CUL9: variants seen among roughly 807,000 people sequenced by gnomAD.
The protein encoded by CUL9 is cullin-9.
CUL9 carries 79 observed loss-of-function variants against 272.6 expected under a neutral mutation model. The ratio of observed to expected loss-of-function variants is 0.29; its 90% CI spans 0.24 to 0.35. The LOEUF (loss-of-function observed/expected upper bound fraction) is 0.35, where lower values mean the gene tolerates loss of function less well. Among genes scored for constraint, CUL9 ranks in the 10% least tolerant of loss-of-function variants. CUL9 has a pLI of 1.00. For synonymous variants in CUL9, 1,186 were observed against 1,286.5 expected (o/e 0.92, Z 1.67); for missense variants, 2,532 against 3,255.6 (o/e 0.78, Z 5.41).
Position 43,204,004 on chromosome 6 carries a change from C to G in CUL9, c.4159+17C>G, listed in dbSNP as rs370641790. On this transcript the variant is annotated intron_variant, in intron 20 of 40. Coordinates refer to ENST00000252050, the MANE Select transcript of CUL9 (RefSeq NM_015089.4). ...CCTCTCCCGGTAACCATGCTGACAC[C>G]TGGCCCCACTAACCAGTTCCTTGTC... The G allele has an allele frequency of 6.3e-7, 1 of 1,582,170 alleles. No homozygotes were observed. Among genetic ancestry groups the G allele is most frequent in the Middle Eastern group, 1.7e-4 (1 of 5,928 alleles).
At chr6:43,204,324 C>G in intron 20 of CUL9, 36 bp from the exon 21 acceptor site, 1 of 1,607,518 alleles carries the variant, frequency 6.2e-7, no homozygotes, top group Non-Finnish European at 8.5e-7. Context: ...TCTCCCATCT[C>G]CCATGGAGAC....
At chr6:43,198,521 G>A (rs879147415) in intron 11 of CUL9, 88 bp from the exon 12 acceptor site, 6 of 1,545,716 alleles carry the variant, frequency 3.9e-6, no homozygotes, top group South Asian at 1.2e-5. Flanking sequence ...AAATTTTGGG[G>A]TGATTTTCTG....
chr6:43,214,951 TG>T, intron 29 of CUL9, 127 bp from the exon 30 acceptor site: 1 of 1,109,044 alleles, frequency 9.0e-7, no homozygotes, highest in Non-Finnish European at 1.3e-6. Flanking sequence ...CACTCTGGCC[TG>T]GGTGACAGAG....
chr6:43,202,480 C>CT (rs1205684744), intron 16 of CUL9, among the ~76,000 whole-genome samples: 1 of 152,210 alleles, frequency 6.6e-6, no homozygotes, highest in Admixed American at 6.5e-5. Context: ...GAACAGGAGC[C>CT]TGAGAAAGAA....
Position 43,199,372 on chromosome 6 carries a change from G to A in CUL9, c.3156+1G>A. ...GAGTGGCCCTAGCAGTGACTCCGAGGTACCAGAACCCTGGCAAGGAGAAGA... is the reference window on the plus strand; with the variant it reads ...GAGTGGCCCTAGCAGTGACTCCGAGATACCAGAACCCTGGCAAGGAGAAGA... On this transcript the variant is annotated splice_donor_variant, in intron 13 of 40. Transcript: ENST00000252050. LOFTEE classifies it high-confidence loss of function. The surrounding 1 kb of genome is among the most constrained non-coding windows in gnomAD (Gnocchi z 4.4). 2 of 1,610,738 alleles carry A rather than the reference G, an allele frequency of 1.2e-6. No homozygotes were observed. The highest frequency in any genetic ancestry group is 1.1e-5 in the South Asian group (1 of 91,032).
Position 43,213,413 on chromosome 6 carries a change from C to T in CUL9, c.5359-25C>T. On this transcript the variant is annotated intron_variant, in intron 27 of 40. Coordinates refer to ENST00000252050, the MANE Select transcript of CUL9 (RefSeq NM_015089.4). The surrounding 1 kb of genome is among the most constrained non-coding windows in gnomAD (Gnocchi z 5.7). ...CTCTTCCTTTTCTTTCCTTTGACTC[C>T]TGACTGGGCGTTTCTGCTCATCAGG... The T allele has an allele frequency of 6.2e-7, 1 of 1,613,330 alleles. No homozygotes were observed. Among genetic ancestry groups the T allele is most frequent in the Non-Finnish European group, 8.5e-7 (1 of 1,179,386 alleles).
At chr6:43,212,984 A>G in intron 26 of CUL9, 165 bp from the exon 27 acceptor site, 1 of 738,414 alleles carries the variant, frequency 1.4e-6, no homozygotes, top group Non-Finnish European at 2.2e-6. Flanking sequence ...AGGCAGGCGC[A>G]GGGAAGGCTG....
In CUL9 at chr6:43,221,695, G is replaced by A. The variant is rs148551617; in HGVS notation, c.6763G>A (p.Ala2255Thr). The change falls in exon 35 of 41, where the codon GCC (alanine) becomes ACC (threonine). Residue 2255 changes from alanine (A) to threonine (T), a missense_variant. Coordinates refer to ENST00000252050, the MANE Select transcript of CUL9 (RefSeq NM_015089.4). The surrounding 1 kb of genome is among the most constrained non-coding windows in gnomAD (Gnocchi z 4.2). ...KNEGCLHMTCAKCNHGFCWRC... is the reference protein window; with the variant it reads ...KNEGCLHMTCTKCNHGFCWRC... ...CAGCTTCCTCCATAGCATGACCTGT[G>A]CCAAATGTAACCATGGATTCTGCTG... 564 of 1,613,838 alleles carry A rather than the reference G, an allele frequency of 3.5e-4. 6 individuals carry two copies. The African/African-American group carries it at 6.9e-3, about 20-fold the overall frequency.
chr6:43,223,628 C>T lies in CUL9; in HGVS notation c.7284+231C>T. ...CTACAAAATAAAGGGGTTGGCTAGC[C>T]CACATCAAGGGTATTTGGTCAGGTG... On this transcript the variant is annotated intron_variant, in intron 39 of 40. Coordinates refer to ENST00000252050, the MANE Select transcript of CUL9 (RefSeq NM_015089.4). The surrounding 1 kb of genome is among the most constrained non-coding windows in gnomAD (Gnocchi z 4.1). 1 of 589,390 alleles carries T rather than the reference C, an allele frequency of 1.7e-6. No homozygotes were observed. The highest frequency in any genetic ancestry group is 2.8e-5 in the East Asian group (1 of 35,550). 36.5% of individuals were successfully genotyped at this position (589,390 alleles called of 1,614,324 possible).
chr6:43,188,367 T>A lies in CUL9; in HGVS notation c.1988-156T>A, dbSNP rs1029888295. ...GGGTGTCTTCATCTCCTTTGTTTGA[T>A]CATTAGATCCCTGACACAGAATTGG... On this transcript the variant is annotated intron_variant, in intron 7 of 40. Coordinates refer to ENST00000252050, the MANE Select transcript of CUL9 (RefSeq NM_015089.4). 4 of 834,658 alleles carry A rather than the reference T, an allele frequency of 4.8e-6. No homozygotes were observed. The African/African-American group carries it at 5.2e-5, about 11-fold the overall frequency. 51.7% of individuals were successfully genotyped at this position (834,658 alleles called of 1,614,324 possible).
chr6:43,190,154 G>GTC (rs1773322998), intron 8 of CUL9, among the ~76,000 whole-genome samples: 1 of 151,984 alleles, frequency 6.6e-6, no homozygotes. Context: ...GTTCTAACGC[G>GTC]TCTGTTTTTC....
In CUL9 at chr6:43,223,666, A is replaced by G; in HGVS notation, c.7284+269A>G. 1 of 542,646 alleles carries G rather than the reference A, an allele frequency of 1.8e-6. No individual in the cohort carries two copies. Among genetic ancestry groups the G allele is most frequent in the Non-Finnish European group, 3.3e-6 (1 of 304,104 alleles). The allele number at this position is 542,646 out of a possible 1,614,324, so 33.6% of individuals were successfully genotyped here. On this transcript the variant is annotated intron_variant, in intron 39 of 40. Transcript: ENST00000252050. This position sits in a 1 kb window ranked among gnomAD's most constrained non-coding sequence, Gnocchi z 4.1. ...ATTTGGTCAGGTGCCTATCAGAATCACTTGGGGAACTTTTCCAGACTGTAC... is the reference window on the plus strand; with the variant it reads ...ATTTGGTCAGGTGCCTATCAGAATCGCTTGGGGAACTTTTCCAGACTGTAC...
intron 10 of CUL9, 112 bp from the exon 11 acceptor site, chr6:43,196,533 G>A: frequency 1.0e-6 from 1 of 1,004,116 alleles, no homozygotes; most frequent in African/African-American, 1.6e-5. Context: ...CTGGCTCAGA[G>A]GGCCCACTGG....
At chr6:43,195,434 A>T (rs1034419800) in intron 9 of CUL9, among the ~76,000 whole-genome samples, 2 of 152,254 alleles carry the variant, frequency 1.3e-5, no homozygotes, top group Admixed American at 1.3e-4. Flanking sequence ...GAAGGGCTGG[A>T]TGCTGGCTAA....
intron 16 of CUL9, 117 bp from the exon 17 acceptor site, chr6:43,202,599 A>T: frequency 1.2e-6 from 1 of 805,330 alleles, no homozygotes; most frequent in South Asian, 1.5e-5. Context: ...GCCCAGGTTG[A>T]TCTTAAACTA....
intron 1 of CUL9, among the ~76,000 whole-genome samples, chr6:43,182,844 C>G (rs1772539714): frequency 6.6e-6 from 1 of 152,230 alleles, no homozygotes; most frequent in Non-Finnish European, 1.5e-5. Context: ...TGCCCCTGCA[C>G]TGCTTCATAT....
chr6:43,214,981 A>T, intron 29 of CUL9, 98 bp from the exon 30 acceptor site: 1 of 1,430,982 alleles, frequency 7.0e-7, no homozygotes, highest in Non-Finnish European at 9.4e-7. Context: ...TCTCTTAAAA[A>T]AAAAGGGGGG....
chr6:43,187,867 C>T lies in CUL9; in HGVS notation c.1736C>T (p.Pro579Leu), dbSNP rs1014046800. Residue 579 changes from proline to leucine, a missense_variant, in exon 7 of 41, where the codon CCA (proline) becomes CTA (leucine). By Grantham distance (98) the Pro-to-Leu change is moderately conservative. Transcript: ENST00000252050. The part of the protein sequence containing the change: ...YTKYGLLSNE[P>L]SSSSTSRNHS... ...AAGTATGGGCTGCTGTCTAATGAACCAAGCAGCTCGTCTACTTCACGAAAT... is the reference window on the plus strand; with the variant it reads ...AAGTATGGGCTGCTGTCTAATGAACTAAGCAGCTCGTCTACTTCACGAAAT... 4.3e-6 allele frequency: 7 copies of T among 1,613,912 alleles called. No homozygotes were observed. The Admixed American group carries it at 1.2e-4, about 27-fold the overall frequency.
Position 43,187,989 on chromosome 6 carries a change from A to C in CUL9, c.1858A>C (p.Lys620Gln). The C allele has an allele frequency of 6.2e-7, 1 of 1,613,970 alleles. No homozygotes were observed. Among genetic ancestry groups the C allele is most frequent in the South Asian group, 1.1e-5 (1 of 91,064 alleles). ...ESLKAKAEAP[K>Q]TEAEPTKTRT... ...CCTCAAAGCAAAGGCCGAGGCCCCT[A>C]AGACAGAGGCCGAGCCCACCAAGAC... Residue 620 changes from lysine to glutamine, a missense_variant, in exon 7 of 41, where the codon AAG becomes CAG. By Grantham distance (53) the Lys-to-Gln change is moderately conservative (BLOSUM62 1). Around this residue, in one of 3 missense-constraint regions of CUL9, gnomAD observed 2,218 missense variants for 2,788.6 expected, o/e 0.80. Transcript: ENST00000252050.
Sources: allele counts gnomAD v4.1 joint callset (sites outside exome capture counted in the v4.1 genomes callset), GRCh38; gene constraint gnomAD v4.1.1; regional missense constraint gnomAD v4.1.1; non-coding constraint Gnocchi (gnomAD v3.1); transcripts MANE v1.5; gene names NCBI Gene and HGNC (gene_info 2026-07-23, HGNC 2026-07-21).